Variants in SLC25A13 observed in about 807,000 individuals in gnomAD.
SLC25A13 encodes the protein solute carrier family 25 member 13.
Under a neutral mutation model 85.5 loss-of-function variants are expected in SLC25A13, and 70 were observed. The ratio of observed to expected loss-of-function variants is 0.82; its 90% CI spans 0.68 to 1.00. The LOEUF (loss-of-function observed/expected upper bound fraction) is 1.00, where lower values mean the gene tolerates loss of function less well. SLC25A13 is among the 50% of genes least tolerant of loss of function. The pLI, the probability that SLC25A13 is intolerant of heterozygous loss-of-function variation, is 0.00. For missense variants in SLC25A13, 765 were observed against 819.8 expected, an observed-to-expected ratio of 0.93 and a Z score of 0.82; for synonymous variants, 259 against 288.7, an observed-to-expected ratio of 0.90 and a Z score of 1.04.
intron 3 of SLC25A13, among the ~76,000 whole-genome samples, chr7:96,248,295 ACCACTCCTAGTATAG>A (rs1797282165): frequency 6.6e-6 from 1 of 152,202 alleles, no homozygotes; most frequent in South Asian, 2.1e-4. Flanking sequence ...TTATTTTCTT[ACCACTCCTAGTATAG>A]GAGAAGGGTA....
chr7:96,273,775 A>C (rs1235418353), intron 3 of SLC25A13, among the ~76,000 whole-genome samples: 2 of 152,208 alleles, frequency 1.3e-5, no homozygotes, highest in Non-Finnish European at 2.9e-5. Context: ...AAATTACAAA[A>C]AACTGATCTC....
rs2116384346 is a variant in SLC25A13, at chr7:96,121,939, C to A, written c.1650G>T (p.Val550=). 15 of 1,614,120 alleles carry A rather than the reference C, an allele frequency of 9.3e-6. No individual in the cohort carries two copies. Among genetic ancestry groups the A allele is most frequent in the Non-Finnish European group, 1.3e-5 (15 of 1,180,020 alleles). ...PADVIKTRLQ[V]AARAGQTTYS... ...AAGTGGTTTGGCCAGCCCGGGCAGC[C>A]ACCTGTAATCTCGTCTTGATAACAT... Residue 550 remains valine, a synonymous_variant, in exon 16 of 18, where the codon GTG becomes GTT. Transcript: ENST00000265631.
chr7:96,154,022 C>G (rs181805484), intron 13 of SLC25A13, among the ~76,000 whole-genome samples: 2 of 152,244 alleles, frequency 1.3e-5, no homozygotes, highest in East Asian at 1.9e-4. Context: ...ATTTAAAATG[C>G]AAATTTTCCT....
chr7:96,120,979 G>C lies in SLC25A13; in HGVS notation c.*212C>G, dbSNP rs1322431518. On this transcript the variant is annotated 3_prime_UTR_variant, in exon 18 of 18. Coordinates refer to ENST00000265631, the MANE Select transcript of SLC25A13 (RefSeq NM_014251.3). ...TTCAGATGCAAACAAAGGTTTCTGG[G>C]CAGAGGGCCAAATAATAATTATGAA... 3 of 690,570 alleles carry C rather than the reference G, an allele frequency of 4.3e-6. No individual in the cohort carries two copies. Among genetic ancestry groups the C allele is most frequent in the Non-Finnish European group, 5.2e-6 (2 of 387,196 alleles). 42.8% of individuals were successfully genotyped at this position (690,570 alleles called of 1,614,324 possible).
intron 4 of SLC25A13, among the ~76,000 whole-genome samples, chr7:96,234,094 C>G (rs1267165395): frequency 6.6e-6 from 1 of 152,246 alleles, no homozygotes; most frequent in Non-Finnish European, 1.5e-5. Flanking sequence ...AAACATGGTA[C>G]TTTCCGTTAA....
At chr7:96,153,424 T>A (rs1793126581) in intron 13 of SLC25A13, among the ~76,000 whole-genome samples, 1 of 152,170 alleles carries the variant, frequency 6.6e-6, no homozygotes, top group African/African-American at 2.4e-5. Flanking sequence ...ACCACAGAGG[T>A]GAGTTCATAG....
chr7:96,134,813 A>ATATATATATATATATAT (rs1554337551), intron 14 of SLC25A13, among the ~76,000 whole-genome samples: 37 of 142,924 alleles, frequency 2.6e-4, no homozygotes, highest in Admixed American at 4.9e-4. Context: ...ATATATATAT[A>ATATATATATATATATAT]ACCCTGAGGA....
chr7:96,129,301 C>T (rs1231021577), intron 15 of SLC25A13, among the ~76,000 whole-genome samples: 1 of 152,114 alleles, frequency 6.6e-6, no homozygotes, highest in Middle Eastern at 3.2e-3. Context: ...TAATAGATAA[C>T]AAATACAGAA....
chr7:96,208,562 G>A (rs577144937), intron 5 of SLC25A13, among the ~76,000 whole-genome samples: 3 of 149,252 alleles, frequency 2.0e-5, no homozygotes, highest in Non-Finnish European at 4.4e-5. Flanking sequence ...CCGGACTGCA[G>A]TGGTGCGATC....
chr7:96,244,723 C>T (rs1797119697), intron 3 of SLC25A13, among the ~76,000 whole-genome samples: 1 of 152,180 alleles, frequency 6.6e-6, no homozygotes, highest in African/African-American at 2.4e-5. Flanking sequence ...CAGGGCTCTT[C>T]AGCTCTACTA....
At chr7:96,225,615 G>A (rs1796303246) in intron 4 of SLC25A13, among the ~76,000 whole-genome samples, 1 of 151,598 alleles carries the variant, frequency 6.6e-6, no homozygotes, top group South Asian at 2.1e-4. Flanking sequence ...TCCAGTCCAG[G>A]CCTCTGTTAT....
At chr7:96,270,853 C>G (rs998175795) in intron 3 of SLC25A13, among the ~76,000 whole-genome samples, 9 of 152,142 alleles carry the variant, frequency 5.9e-5, no homozygotes, top group Non-Finnish European at 1.3e-4. Flanking sequence ...TGCGGAAAAT[C>G]CCCTCTTGCC....
At chr7:96,251,087 A>T (rs1797406134) in intron 3 of SLC25A13, among the ~76,000 whole-genome samples, 1 of 152,188 alleles carries the variant, frequency 6.6e-6, no homozygotes, top group Non-Finnish European at 1.5e-5. Flanking sequence ...TGTATTATAC[A>T]AGATAACCAC....
At chr7:96,224,156 G>A (rs1163462811) in intron 4 of SLC25A13, among the ~76,000 whole-genome samples, 1 of 152,104 alleles carries the variant, frequency 6.6e-6, no homozygotes, top group African/African-American at 2.4e-5. Flanking sequence ...CTGACTTTCA[G>A]CTCTTCCACT....
intron 4 of SLC25A13, among the ~76,000 whole-genome samples, chr7:96,214,892 C>T (rs1299366081): frequency 1.3e-5 from 2 of 151,904 alleles, no homozygotes; most frequent in East Asian, 1.9e-4. Flanking sequence ...TAAATAGAAA[C>T]ACATCCCATG....
At chr7:96,208,083 T>G (rs981342821) in intron 5 of SLC25A13, among the ~76,000 whole-genome samples, 107 of 152,292 alleles carry the variant, frequency 7.0e-4, no homozygotes, top group African/African-American at 2.4e-3. Context: ...ACTAGTGTCT[T>G]ATCTATAAAA....
chr7:96,137,965 T>C (rs1260089699), intron 14 of SLC25A13, among the ~76,000 whole-genome samples: 2 of 152,218 alleles, frequency 1.3e-5, no homozygotes, highest in Admixed American at 1.3e-4. Flanking sequence ...AGTTTTACTT[T>C]TAACAAGACT....
intron 3 of SLC25A13, among the ~76,000 whole-genome samples, chr7:96,236,987 T>C (rs1276738170): frequency 1.3e-5 from 2 of 152,196 alleles, no homozygotes; most frequent in Non-Finnish European, 2.9e-5. Context: ...CAGTTCAAGC[T>C]AATGCCACCA....
intron 4 of SLC25A13, chr7:96,219,629 A>G: frequency 1.9e-6 from 1 of 527,538 alleles, no homozygotes; most frequent in Non-Finnish European, 3.9e-6. Context: ...GCTTGTTTAA[A>G]ACACATTCCC....
Sources: allele counts gnomAD v4.1 joint callset (sites outside exome capture counted in the v4.1 genomes callset), GRCh38; gene constraint gnomAD v4.1.1; transcripts MANE v1.5; gene names NCBI Gene and HGNC (gene_info 2026-07-23, HGNC 2026-07-21).